Variants in SFRP1 observed in about 807,000 individuals in gnomAD.
SFRP1 encodes the protein secreted frizzled-related protein 1.
SFRP1 carries 9 observed loss-of-function variants against 25.9 expected under a neutral mutation model. That is an observed-to-expected ratio of 0.35 (90% CI 0.21 to 0.61). The LOEUF is 0.61. Among genes scored for constraint, SFRP1 ranks in the 20% least tolerant of loss-of-function variants. The pLI is 0.78. For missense variants in SFRP1, 346 were observed against 418.2 expected, an observed-to-expected ratio of 0.83 and a Z score of 1.51; for synonymous variants, 178 against 174.0, an observed-to-expected ratio of 1.02 and a Z score of -0.18.
chr8:41,289,574 T>G (rs1803750975), intron 2 of SFRP1, among the ~76,000 whole-genome samples: 1 of 152,178 alleles, frequency 6.6e-6, no homozygotes, highest in Non-Finnish European at 1.5e-5. Context: ...CACGTGTTCT[T>G]TCCAATGCAC....
intron 2 of SFRP1, among the ~76,000 whole-genome samples, chr8:41,272,561 A>G (rs1210439733): frequency 6.6e-6 from 1 of 152,206 alleles, no homozygotes; most frequent in Non-Finnish European, 1.5e-5. Context: ...GTGAGCTGAG[A>G]TTACACCACT....
At position 41,263,077 on chromosome 8, in the gene SFRP1, C is replaced by T. The variant is rs1803393707; in HGVS notation, c.*2090G>A. 1 of 152,404 alleles carries T rather than the reference C, an allele frequency of 6.6e-6. No homozygotes were observed. The highest frequency in any genetic ancestry group is 2.4e-5 in the African/African-American group (1 of 41,430). 9.4% of individuals were successfully genotyped at this position (152,404 alleles called of 1,614,324 possible). ...AACTACTAATGTTCCAGGTAAACCC[C>T]TCCACTAAGGACTCTGCCGCAGAGA... is the stretch of plus-strand genomic sequence containing the variant. On this transcript the variant is annotated 3_prime_UTR_variant, in exon 3 of 3. Coordinates refer to ENST00000220772, the MANE Select transcript of SFRP1 (RefSeq NM_003012.5).
chr8:41,299,499 TAAAAAAAAAAAA>T (rs576175856), intron 2 of SFRP1, among the ~76,000 whole-genome samples: 29 of 56,048 alleles, frequency 5.2e-4, no homozygotes, highest in South Asian at 8.2e-4. Context: ...TTCTCCTTTA[TAAAAAAAAAAAA>T]AAAAAAAAAA....
chr8:41,263,360 A>T lies in SFRP1; in HGVS notation c.*1807T>A. The stretch of plus-strand genomic sequence containing the variant: ...GAAAGGTCAGAGAGAACCCCACAAA[A>T]AAGGTGTTAAAAGGACAGGATCACT... On this transcript the variant is annotated 3_prime_UTR_variant, in exon 3 of 3. Coordinates refer to ENST00000220772, the MANE Select transcript of SFRP1 (RefSeq NM_003012.5). The T allele has an allele frequency of 6.6e-6, 1 of 152,334 alleles. No homozygotes were observed. The highest frequency in any genetic ancestry group is 1.9e-4 in the East Asian group (1 of 5,196). The allele number at this position is 152,334 out of a possible 1,614,324, so 9.4% of individuals were successfully genotyped here. A position where few individuals can be genotyped will look rare whatever the true frequency, so the allele number is the denominator to read the frequency against.
At chr8:41,285,791 C>T (rs570281486) in intron 2 of SFRP1, among the ~76,000 whole-genome samples, 3 of 152,314 alleles carry the variant, frequency 2.0e-5, no homozygotes, top group Admixed American at 1.3e-4. Flanking sequence ...GACAGGCGTG[C>T]TCAGTTAGCT....
intron 2 of SFRP1, among the ~76,000 whole-genome samples, chr8:41,302,649 G>C (rs925145897): frequency 3.9e-5 from 6 of 152,180 alleles, no homozygotes; most frequent in African/African-American, 1.4e-4. Context: ...AGAGGGAGCT[G>C]GCCCTCCAAA....
Position 41,265,161 on chromosome 8 carries a change from G to A in SFRP1, c.*6C>T. 1 of 644,542 alleles carries A rather than the reference G, an allele frequency of 1.6e-6. No individual in the cohort carries two copies. Among genetic ancestry groups the A allele is most frequent in the Non-Finnish European group, 2.3e-6 (1 of 427,194 alleles). 39.9% of individuals were successfully genotyped at this position (644,542 alleles called of 1,614,324 possible). Reference sequence around the variant, plus strand: ...AGGCTCCCTCCCCACCCTGCCCCCGGGAGAATCACTTAAACACGGACTGAA... The same window carrying A: ...AGGCTCCCTCCCCACCCTGCCCCCGAGAGAATCACTTAAACACGGACTGAA... On this transcript the variant is annotated 3_prime_UTR_variant, in exon 3 of 3. Transcript: ENST00000220772.
At chr8:41,303,673 G>A in intron 1 of SFRP1, 135 bp from the exon 2 acceptor site, 1 of 668,266 alleles carries the variant, frequency 1.5e-6, no homozygotes, top group Non-Finnish European at 2.7e-6. Context: ...GGGGACCTGA[G>A]AATTGAAAAC....
At chr8:41,289,361 C>T (rs149642921) in intron 2 of SFRP1, among the ~76,000 whole-genome samples, 185 of 152,304 alleles carry the variant, frequency 1.2e-3, no homozygotes, top group Middle Eastern at 0.01. Flanking sequence ...TCAGTAGCAG[C>T]GCAGAAATTA....
intron 2 of SFRP1, among the ~76,000 whole-genome samples, chr8:41,296,746 C>T (rs1803848678): frequency 6.6e-6 from 1 of 152,058 alleles, no homozygotes; most frequent in Non-Finnish European, 1.5e-5. Context: ...GCTCTGAAGT[C>T]CCTCAAACAT....
At position 41,303,567 on chromosome 8, in the gene SFRP1, C is replaced by A. The variant is rs761565057; in HGVS notation, c.545-29G>T. ...GGAAAGGAAGTAGGGAGAAACGGAA[C>A]TGTAAGTTACAGAGCAGGAAGGGAG... is the stretch of plus-strand genomic sequence containing the variant. On this transcript the variant is annotated intron_variant, in intron 1 of 2. Coordinates refer to ENST00000220772, the MANE Select transcript of SFRP1 (RefSeq NM_003012.5). The A allele has an allele frequency of 1.6e-5, 25 of 1,579,276 alleles. 1 individual carries two copies. In the South Asian group the frequency reaches 2.7e-4, roughly 17 times the overall value.
At position 41,309,005 on chromosome 8, in the gene SFRP1, T is replaced by G. The variant is rs749781995; in HGVS notation, c.155A>C (p.Tyr52Ser). 2 of 1,612,408 alleles carry G rather than the reference T, an allele frequency of 1.2e-6. No individual in the cohort carries two copies. The highest frequency in any genetic ancestry group is 1.1e-5 in the South Asian group (1 of 91,078). Reference sequence around the variant, plus strand: ...GTCCACGCACTGAGGTGGCTTGGTGTAGAAGCGCCCGCTCTGGTACGGGCC... The same window carrying G: ...GTCCACGCACTGAGGTGGCTTGGTGGAGAAGCGCCCGCTCTGGTACGGGCC... ...DIGPYQSGRF[Y>S]TKPPQCVDIP... The change falls in exon 1 of 3, where the codon TAC becomes TCC. Residue 52 changes from tyrosine to serine, a missense_variant. Coordinates refer to ENST00000220772, the MANE Select transcript of SFRP1 (RefSeq NM_003012.5).
Position 41,262,172 on chromosome 8 carries a change from AGAG to A in SFRP1, c.*2992_*2994del, listed in dbSNP as rs1803383319. The stretch of plus-strand genomic sequence containing the variant: ...TTTTGTAAGAGACTTAGGATCTAAA[AGAG>A]GAGTACTACAGGAAGAAACTAGAGG... On this transcript the variant is annotated 3_prime_UTR_variant, in exon 3 of 3. Coordinates refer to ENST00000220772, the MANE Select transcript of SFRP1 (RefSeq NM_003012.5). 2 of 152,490 alleles carry A rather than the reference AGAG, an allele frequency of 1.3e-5. No homozygotes were observed. The highest frequency in any genetic ancestry group is 3.8e-4 in the East Asian group (2 of 5,198). The allele number at this position is 152,490 out of a possible 1,614,324, so 9.4% of individuals were successfully genotyped here.
rs1006637962 is a variant in SFRP1 at position 41,309,019 on chromosome 8, C to T, written c.141G>A (p.Gln47=). Residue 47 remains glutamine (Q), a synonymous_variant, in exon 1 of 3, where the codon CAG becomes CAA. Coordinates refer to ENST00000220772, the MANE Select transcript of SFRP1 (RefSeq NM_003012.5). The part of the protein sequence containing the change: ...VSFQSDIGPY[Q]SGRFYTKPPQ... ...GTGGCTTGGTGTAGAAGCGCCCGCT[C>T]TGGTACGGGCCGATGTCCGACTGGA... 1.2e-6 allele frequency: 2 copies of T among 1,610,902 alleles called. No homozygotes were observed. The highest frequency in any genetic ancestry group is 2.2e-5 in the South Asian group (2 of 91,070).
intron 2 of SFRP1, among the ~76,000 whole-genome samples, chr8:41,285,100 G>T (rs1264871162): frequency 6.6e-6 from 1 of 152,184 alleles, no homozygotes; most frequent in Admixed American, 6.5e-5. Context: ...TGTGCTTCGT[G>T]GCACATGAGT....
intron 2 of SFRP1, among the ~76,000 whole-genome samples, chr8:41,302,209 C>G (rs1803930061): frequency 6.6e-6 from 1 of 152,214 alleles, no homozygotes; most frequent in Non-Finnish European, 1.5e-5. Context: ...ACAGAGAACA[C>G]ATCAATCTTC....
At chr8:41,306,196 T>C (rs1215831462) in intron 1 of SFRP1, among the ~76,000 whole-genome samples, 1 of 152,200 alleles carries the variant, frequency 6.6e-6, no homozygotes. Context: ...TCATTTCTCA[T>C]TATCAGGTTT....
In SFRP1 at chr8:41,265,072, G is replaced by A. The variant is rs146667802; in HGVS notation, c.*95C>T. On this transcript the variant is annotated 3_prime_UTR_variant, in exon 3 of 3. Coordinates refer to ENST00000220772, the MANE Select transcript of SFRP1 (RefSeq NM_003012.5). ...ATTACAATGTCCACTACTGACAGGC[G>A]CAGTGCGTGTGTGTGACCCACCGGG... The A allele has an allele frequency of 2.4e-3, 1,880 of 798,832 alleles. 29 individuals carry two copies. The highest frequency in any genetic ancestry group is 0.021 in the African/African-American group (1,233 of 57,736). 49.5% of individuals were successfully genotyped at this position (798,832 alleles called of 1,614,324 possible). A position where few individuals can be genotyped will look rare whatever the true frequency, so the allele number is the denominator to read the frequency against.
chr8:41,303,830 G>A (rs1046934602), intron 1 of SFRP1, among the ~76,000 whole-genome samples: 21 of 152,136 alleles, frequency 1.4e-4, no homozygotes, highest in African/African-American at 5.1e-4. Flanking sequence ...GATGACTTGT[G>A]GGGCGCTGTG....
Sources: allele counts gnomAD v4.1 joint callset (sites outside exome capture counted in the v4.1 genomes callset), GRCh38; gene constraint gnomAD v4.1.1; transcripts MANE v1.5; gene names NCBI Gene and HGNC (gene_info 2026-07-23, HGNC 2026-07-21).